GRIN2B: variants seen among roughly 807,000 people sequenced by gnomAD.
GRIN2B encodes the protein glutamate ionotropic receptor NMDA type subunit 2B.
GRIN2B carries 5 observed loss-of-function variants against 114.5 expected under a neutral mutation model. The ratio of observed to expected loss-of-function variants is 0.04; its 90% CI spans 0.02 to 0.09. The LOEUF is 0.09. Ranked by LOEUF, GRIN2B falls within the 10% of genes least tolerant of loss-of-function variation. The pLI is 1.00. For synonymous variants in GRIN2B, 787 were observed against 745.1 expected (o/e 1.06, Z -0.92); for missense variants, 1,108 against 1,943.5 (o/e 0.57, Z 8.08).
At chr12:13,667,383 T>C (rs1332584695) in intron 5 of GRIN2B, among the ~76,000 whole-genome samples, 1 of 152,078 alleles carries the variant, frequency 6.6e-6, no homozygotes, top group African/African-American at 2.4e-5. Flanking sequence ...AGAATCGATA[T>C]AAACAAACCA....
At chr12:13,913,280 C>T (rs576966729) in intron 2 of GRIN2B, among the ~76,000 whole-genome samples, 2 of 152,272 alleles carry the variant, frequency 1.3e-5, no homozygotes, top group Non-Finnish European at 2.9e-5. Flanking sequence ...ATTCAACACC[C>T]CTGATGCCCT....
intron 2 of GRIN2B, among the ~76,000 whole-genome samples, chr12:13,900,201 C>G (rs1236952581): frequency 6.6e-6 from 1 of 152,090 alleles, no homozygotes; most frequent in Non-Finnish European, 1.5e-5. Context: ...AGGCCGGGCA[C>G]GGTGGCTCAT....
chr12:13,665,272 C>A lies in GRIN2B; in HGVS notation c.1125+10473G>T, dbSNP rs75752753. On this transcript the variant is annotated intron_variant, in intron 5 of 13. Transcript: ENST00000609686. ...TTTCTTTCCCTCTCTCCTTTCCTTC[C>A]TTTCTTCCTTCTATTTTTGCTAATC... is the stretch of plus-strand genomic sequence containing the variant. Among the ~76,000 whole-genome samples the A allele has an allele frequency of 2.6e-3, 398 of 151,874 alleles. 5 individuals are homozygous for A. The highest frequency in any genetic ancestry group is 9.3e-3 in the African/African-American group (384 of 41,392).
chr12:13,759,032 G>A (rs890606064), intron 3 of GRIN2B, among the ~76,000 whole-genome samples: 1 of 103,184 alleles, frequency 9.7e-6, no homozygotes, highest in Non-Finnish European at 1.8e-5. Flanking sequence ...TTTTTGAGAC[G>A]AAGTCTCACT....
intron 3 of GRIN2B, among the ~76,000 whole-genome samples, chr12:13,832,930 C>T (rs1270732535): frequency 6.6e-6 from 1 of 152,060 alleles, no homozygotes; most frequent in Non-Finnish European, 1.5e-5. Context: ...TTTCCCTGCA[C>T]TCACATCAAC....
chr12:13,930,108 G>A (rs1421099), intron 2 of GRIN2B, among the ~76,000 whole-genome samples: 8,910 of 152,104 alleles, frequency 0.059, 941 homozygotes, highest in East Asian at 0.41. Flanking sequence ...CGCTTGAACC[G>A]GGGAGGTGGA....
At chr12:13,818,315 G>A (rs531085758) in intron 3 of GRIN2B, among the ~76,000 whole-genome samples, 14 of 151,988 alleles carry the variant, frequency 9.2e-5, no homozygotes, top group Non-Finnish European at 1.9e-4. Flanking sequence ...GCCATTCCAA[G>A]AAGAAGTCAG....
intron 4 of GRIN2B, among the ~76,000 whole-genome samples, chr12:13,724,447 A>T (rs1862940244): frequency 6.6e-6 from 1 of 152,138 alleles, no homozygotes; most frequent in African/African-American, 2.4e-5. Context: ...TGATATTCAA[A>T]CTCCTTGCAG....
chr12:13,922,940 G>T (rs1182238017), intron 2 of GRIN2B, among the ~76,000 whole-genome samples: 1 of 152,118 alleles, frequency 6.6e-6, no homozygotes, highest in African/African-American at 2.4e-5. Context: ...AAGACTTTTT[G>T]ATACAAAGAC....
intron 10 of GRIN2B, among the ~76,000 whole-genome samples, chr12:13,577,306 G>A (rs940590291): frequency 6.6e-6 from 1 of 152,246 alleles, no homozygotes; most frequent in African/African-American, 2.4e-5. Context: ...TAAAAGAGCT[G>A]TAATCTCATT....
intron 4 of GRIN2B, among the ~76,000 whole-genome samples, chr12:13,729,899 C>A (rs771005779): frequency 5.3e-5 from 8 of 151,770 alleles, no homozygotes; most frequent in Non-Finnish European, 7.4e-5. Context: ...ATAAGAACCG[C>A]CCCCAGAAAC....
chr12:13,740,520 A>G (rs1184113412), intron 4 of GRIN2B, among the ~76,000 whole-genome samples: 2 of 150,660 alleles, frequency 1.3e-5, no homozygotes, highest in African/African-American at 4.9e-5. Flanking sequence ...CTTTTCTCCA[A>G]TCTCCAGCTG....
chr12:13,745,953 G>A (rs1476413748), intron 4 of GRIN2B, among the ~76,000 whole-genome samples: 2 of 151,280 alleles, frequency 1.3e-5, no homozygotes, highest in Non-Finnish European at 2.9e-5. Flanking sequence ...ATCAGGCACT[G>A]TGCTGAGAAT....
intron 2 of GRIN2B, among the ~76,000 whole-genome samples, chr12:13,971,330 T>C (rs1374704071): frequency 6.6e-6 from 1 of 152,164 alleles, no homozygotes; most frequent in African/African-American, 2.4e-5. Flanking sequence ...TAAATCTGGG[T>C]TTTTTCTTGC....
chr12:13,562,902 T>C lies in GRIN2B; in HGVS notation c.4336A>G (p.Ile1446Val), dbSNP rs1477589166. Reference sequence around the variant, plus strand: ...GGGTTGGACTGGTTCCCTATACAGATGTCCTTCTGGAAACGGGCTGGCACG... The same window carrying C: ...GGGTTGGACTGGTTCCCTATACAGACGTCCTTCTGGAAACGGGCTGGCACG... ...GAVPARFQKD[I>V]CIGNQSNPCV... Residue 1446 changes from isoleucine to valine, a missense_variant, in exon 14 of 14, where the codon ATC (isoleucine) becomes GTC (valine). Transcript: ENST00000609686. The C allele has an allele frequency of 1.2e-6, 2 of 1,614,174 alleles. No homozygotes were observed. Among genetic ancestry groups the C allele is most frequent in the Admixed American group, 3.3e-5 (2 of 60,032 alleles).
At position 13,550,424 on chromosome 12, in the gene GRIN2B, C is replaced by G. The variant is rs1398660177; in HGVS notation, c.*12359G>C. 6.6e-6 allele frequency: 1 copy of G among 152,118 alleles called. No individual in the cohort carries two copies. The highest frequency in any genetic ancestry group is 1.5e-5 in the Non-Finnish European group (1 of 68,012). 9.4% of individuals were successfully genotyped at this position (152,118 alleles called of 1,614,324 possible). A position where few individuals can be genotyped will look rare whatever the true frequency, so the allele number is the denominator to read the frequency against. The stretch of plus-strand genomic sequence containing the variant: ...TGTGACCCATTTCTCGTGCCTGTTA[C>G]CAAGAAATAACCAAAGTGAATGCGC... On this transcript the variant is annotated 3_prime_UTR_variant, in exon 14 of 14. Coordinates refer to ENST00000609686, the MANE Select transcript of GRIN2B (RefSeq NM_000834.5).
intron 2 of GRIN2B, among the ~76,000 whole-genome samples, chr12:13,877,516 A>G (rs1023865430): frequency 1.3e-5 from 2 of 152,198 alleles, no homozygotes; most frequent in African/African-American, 4.8e-5. Context: ...AGCATTTATT[A>G]TAAGTTGAAG....
intron 9 of GRIN2B, 43 bp from the exon 10 acceptor site, chr12:13,608,875 G>C: frequency 6.9e-7 from 1 of 1,456,204 alleles, no homozygotes; most frequent in Non-Finnish European, 9.6e-7. Context: ...AGCCATTGTG[G>C]CTGGTTCTGT....
chr12:13,692,066 G>T (rs1163950698), intron 4 of GRIN2B, among the ~76,000 whole-genome samples: 1 of 152,172 alleles, frequency 6.6e-6, no homozygotes, highest in South Asian at 2.1e-4. Context: ...AAAAGCCCCC[G>T]ATTGAAGCCA....
Sources: gnomAD v4.1 joint callset for allele counts (sites outside exome capture counted in the v4.1 genomes callset) on GRCh38, gnomAD v4.1.1 for gene constraint, MANE v1.5 for transcripts, NCBI Gene and HGNC (gene_info 2026-07-23, HGNC 2026-07-21) for gene names.